Variants in SAXO1 observed in about 807,000 individuals in gnomAD.
SAXO1 encodes stabilizer of axonemal microtubules 1.
A neutral mutation model predicts 17.5 loss-of-function variants in SAXO1; 21 were observed. The observed-to-expected ratio is 1.20, with a 90% confidence interval of 0.85 to 1.72. The LOEUF (loss-of-function observed/expected upper bound fraction) is 1.72. Among genes scored for constraint, SAXO1 ranks in the 40% most tolerant of loss-of-function variants. The pLI, the probability that SAXO1 is intolerant of heterozygous loss-of-function variation, is 0.00. For synonymous variants in SAXO1, 274 were observed against 216.5 expected (o/e 1.27, Z -2.33); for missense variants, 843 against 596.0 (o/e 1.41, Z -4.32).
intron 1 of SAXO1, among the ~76,000 whole-genome samples, chr9:19,008,031 C>CG (rs1563977834): frequency 6.6e-6 from 1 of 151,596 alleles, no homozygotes; most frequent in African/African-American, 2.4e-5. Flanking sequence ...ACAGTGGCAC[C>CG]GTCTCAGCTC....
intron 1 of SAXO1, among the ~76,000 whole-genome samples, chr9:18,997,843 T>C (rs1834072972): frequency 2.0e-5 from 3 of 152,188 alleles, no homozygotes; most frequent in Admixed American, 6.5e-5. Flanking sequence ...TGGAGTGGAC[T>C]TCCAGCAAAC....
intron 1 of SAXO1, among the ~76,000 whole-genome samples, chr9:18,980,618 T>C (rs1588474056): frequency 6.6e-6 from 1 of 151,628 alleles, no homozygotes; most frequent in African/African-American, 2.4e-5. Context: ...AAGAAATGTT[T>C]CAGACTGGCT....
Position 19,033,056 on chromosome 9 carries a change from T to G in SAXO1, c.-148A>C. 1 of 788,188 alleles carries G rather than the reference T, an allele frequency of 1.3e-6. No homozygotes were observed. Among genetic ancestry groups the G allele is most frequent in the Non-Finnish European group, 1.9e-6 (1 of 524,158 alleles). The allele number at this position is 788,188 out of a possible 1,614,324, so 48.8% of individuals were successfully genotyped here. On this transcript the variant is annotated 5_prime_UTR_variant, in exon 1 of 4. Coordinates refer to ENST00000380534, the MANE Select transcript of SAXO1 (RefSeq NM_153707.4). Reference sequence around the variant, plus strand: ...CTCGAAGGAAAATTTAAGTGGCCCTTTTGCAATGTCCTGTCGTCTGTTGCC... The same window carrying G: ...CTCGAAGGAAAATTTAAGTGGCCCTGTTGCAATGTCCTGTCGTCTGTTGCC...
At chr9:18,933,387 A>G (rs960276710) in intron 3 of SAXO1, among the ~76,000 whole-genome samples, 2 of 152,318 alleles carry the variant, frequency 1.3e-5, no homozygotes, top group Admixed American at 6.5e-5. Flanking sequence ...TGATTCTGTA[A>G]TTGTCTTTTA....
At chr9:19,048,119 G>C (rs1384072198) in intron 1 of SAXO1, among the ~76,000 whole-genome samples, 6 of 152,120 alleles carry the variant, frequency 3.9e-5, no homozygotes, top group Non-Finnish European at 7.3e-5. Flanking sequence ...AATATTTTTT[G>C]AATAAATGAA....
At chr9:19,010,773 A>C (rs182970366) in intron 1 of SAXO1, among the ~76,000 whole-genome samples, 2 of 152,332 alleles carry the variant, frequency 1.3e-5, no homozygotes, top group South Asian at 2.1e-4. Flanking sequence ...ATTTTCTTTC[A>C]ATGTGATTAC....
intron 1 of SAXO1, chr9:19,027,685 C>T (rs1588558714): frequency 1.5e-6 from 2 of 1,348,638 alleles, no homozygotes; most frequent in South Asian, 1.2e-5. Context: ...CCATCATCTT[C>T]ACTGATGAGC....
intron 1 of SAXO1, among the ~76,000 whole-genome samples, chr9:19,043,165 C>G (rs1836118386): frequency 6.6e-6 from 1 of 152,010 alleles, no homozygotes; most frequent in Non-Finnish European, 1.5e-5. Context: ...GAGCAAAACC[C>G]TGTCCCCCCA....
In SAXO1 at chr9:19,033,101, G is replaced by A. The variant is rs190086560; in HGVS notation, c.-193C>T. The A allele has an allele frequency of 2.1e-4, 117 of 544,842 alleles. No homozygotes were observed. The Middle Eastern group carries it at 4.9e-3, about 23-fold the overall frequency. The allele number at this position is 544,842 out of a possible 1,614,324, so 33.8% of individuals were successfully genotyped here. A position where few individuals can be genotyped will look rare whatever the true frequency, so the allele number is the denominator to read the frequency against. ...GTTGCCCTCCTGGAGCTGGCCTAGC[G>A]CGAGGTAGCAGCAGGGGGCTTGCAC... On this transcript the variant is annotated 5_prime_UTR_variant, in exon 1 of 4. Coordinates refer to ENST00000380534, the MANE Select transcript of SAXO1 (RefSeq NM_153707.4).
At position 18,966,750 on chromosome 9, in the gene SAXO1, G is replaced by A. The variant is rs142724492; in HGVS notation, c.39-15813C>T. 2.9e-3 allele frequency among the ~76,000 whole-genome samples: 439 copies of A among 152,188 alleles called. 6 individuals are homozygous for A. The South Asian group carries it at 0.038, about 13-fold the overall frequency. ...TTCTGAAGCCTACTTCTGTCAATTCGTCAAACTCATTCTCTGTCTAGTTTT... is the reference window on the plus strand; with the variant it reads ...TTCTGAAGCCTACTTCTGTCAATTCATCAAACTCATTCTCTGTCTAGTTTT... On this transcript the variant is annotated intron_variant, in intron 1 of 3. Coordinates refer to ENST00000380534, the MANE Select transcript of SAXO1 (RefSeq NM_153707.4).
intron 2 of SAXO1, among the ~76,000 whole-genome samples, chr9:18,949,692 T>C (rs1831949497): frequency 6.6e-6 from 1 of 152,208 alleles, no homozygotes; most frequent in Non-Finnish European, 1.5e-5. Context: ...TCTCAGATGT[T>C]TCCAGTCCTA....
chr9:19,021,606 A>C (rs939160820), intron 1 of SAXO1, among the ~76,000 whole-genome samples: 1 of 152,228 alleles, frequency 6.6e-6, no homozygotes, highest in African/African-American at 2.4e-5. Context: ...AGAGATATTC[A>C]AGGACCTGAA....
intron 1 of SAXO1, among the ~76,000 whole-genome samples, chr9:18,957,505 A>C (rs1232041351): frequency 6.6e-6 from 1 of 152,184 alleles, no homozygotes; most frequent in Non-Finnish European, 1.5e-5. Context: ...TCAGACTCTT[A>C]AAGGATTTGC....
At chr9:18,947,156 C>T (rs2131719332) in intron 2 of SAXO1, among the ~76,000 whole-genome samples, 1 of 152,304 alleles carries the variant, frequency 6.6e-6, no homozygotes, top group African/African-American at 2.4e-5. Flanking sequence ...ATTCTCAGGC[C>T]CAGGCTATGG....
At chr9:18,954,122 G>A (rs909383378) in intron 1 of SAXO1, among the ~76,000 whole-genome samples, 5 of 152,244 alleles carry the variant, frequency 3.3e-5, no homozygotes, top group Admixed American at 1.3e-4. Context: ...AGGGAGAGAG[G>A]AGGTTTCTTT....
intron 1 of SAXO1, among the ~76,000 whole-genome samples, chr9:18,977,621 T>A (rs1279852090): frequency 6.6e-6 from 1 of 152,158 alleles, no homozygotes; most frequent in Admixed American, 6.5e-5. Context: ...TTAACTTGGG[T>A]TCCTTGAACT....
chr9:18,987,183 T>C (rs1833626828), intron 1 of SAXO1, among the ~76,000 whole-genome samples: 1 of 152,216 alleles, frequency 6.6e-6, no homozygotes, highest in South Asian at 2.1e-4. Flanking sequence ...AGTGTCATGA[T>C]TTCATTGCTA....
In SAXO1 at chr9:18,928,316, T is replaced by G; in HGVS notation, c.1161A>C (p.Lys387Asn). 1 of 1,613,310 alleles carries G rather than the reference T, an allele frequency of 6.2e-7. No individual in the cohort carries two copies. The highest frequency in any genetic ancestry group is 8.5e-7 in the Non-Finnish European group (1 of 1,179,576). The change falls in exon 4 of 4, where the codon AAA (lysine) becomes AAC (asparagine). Residue 387 changes from lysine to asparagine, a missense_variant. Coordinates refer to ENST00000380534, the MANE Select transcript of SAXO1 (RefSeq NM_153707.4). ...GGCCAGACCAATGAGGCTTACAGCTTTTGGTATTGATAGGCAGGTGGGGCA... is the reference window on the plus strand; with the variant it reads ...GGCCAGACCAATGAGGCTTACAGCTGTTGGTATTGATAGGCAGGTGGGGCA... ...HYVPHLPINT[K>N]SCKPHWSGPR...
In SAXO1 at chr9:18,954,907, A is replaced by G. The variant is rs1206526013; in HGVS notation, c.39-3970T>C. 9.8e-5 allele frequency among the ~76,000 whole-genome samples: 11 copies of G among 111,958 alleles called. No homozygotes were observed. The East Asian group carries it at 2.6e-3, about 26-fold the overall frequency. The allele number at this position is 111,958 out of a possible 152,430, so 73.4% of individuals were successfully genotyped here. On this transcript the variant is annotated intron_variant, in intron 1 of 3. Transcript: ENST00000380534. The stretch of plus-strand genomic sequence containing the variant: ...GCACTGGTACACTGGTACACAGGTA[A>G]GAAAAAAAAGTTAAAAAAAAAAAAC...
Sources: gnomAD v4.1 joint callset for allele counts (sites outside exome capture counted in the v4.1 genomes callset) on GRCh38, gnomAD v4.1.1 for gene constraint, MANE v1.5 for transcripts, NCBI Gene and HGNC (gene_info 2026-07-23, HGNC 2026-07-21) for gene names.